The following KCNMA1 variants were observed in gnomAD, a reference collection of about 807,000 sequenced individuals.
The protein encoded by KCNMA1 is potassium calcium-activated channel subfamily M alpha 1, also known as Calcium-activated potassium channel subunit alpha-1.
A neutral mutation model predicts 140.0 loss-of-function variants in KCNMA1; 29 were observed. The ratio of observed to expected loss-of-function variants is 0.21; its 90% CI spans 0.15 to 0.28. The LOEUF (loss-of-function observed/expected upper bound fraction) is 0.28. Ranked by LOEUF, KCNMA1 falls within the 10% of genes least tolerant of loss-of-function variation. KCNMA1 has a pLI of 1.00. For missense variants in KCNMA1, 880 were observed against 1,602.2 expected (o/e 0.55, Z 7.70); for synonymous variants, 612 against 611.9 (o/e 1.00, Z 0.00).
chr10:77,370,548 C>T (rs958227564), intron 2 of KCNMA1, among the ~76,000 whole-genome samples: 1 of 152,158 alleles, frequency 6.6e-6, no homozygotes, highest in African/African-American at 2.4e-5. Flanking sequence ...ATCCAAAGAC[C>T]TTTAGAATAA....
In KCNMA1 at chr10:76,934,993, G is replaced by A. The variant is rs116761463; in HGVS notation, c.2902+9780C>T. Among the ~76,000 whole-genome samples the A allele has an allele frequency of 7.7e-3, 1,179 of 152,220 alleles. 15 individuals are homozygous for A. Among genetic ancestry groups the A allele is most frequent in the African/African-American group, 0.027 (1,136 of 41,516 alleles). On this transcript the variant is annotated intron_variant, in intron 23 of 27. Coordinates refer to ENST00000286628, the MANE Select transcript of KCNMA1 (RefSeq NM_001161352.2). ...ATTCCACTCTCTTCCTTACAGCTCC[G>A]AAGTCCCATCTATATTCACAAGAAA...
chr10:77,325,547 C>G (rs2083853036), intron 2 of KCNMA1, among the ~76,000 whole-genome samples: 1 of 152,158 alleles, frequency 6.6e-6, no homozygotes, highest in East Asian at 1.9e-4. Context: ...AACAGGTAGG[C>G]AAGGAGGGAG....
chr10:77,450,761 G>A (rs903251470), intron 1 of KCNMA1, among the ~76,000 whole-genome samples: 2 of 152,174 alleles, frequency 1.3e-5, no homozygotes, highest in African/African-American at 4.8e-5. Flanking sequence ...ACTCATTCCA[G>A]GAGGTTACCA....
rs769978136 is a variant in KCNMA1 at position 77,637,625 on chromosome 10, G to A, written c.18C>T (p.Gly6=). The A allele has an allele frequency of 1.3e-5, 20 of 1,523,254 alleles. No homozygotes were observed. The highest frequency in any genetic ancestry group is 1.2e-4 in the Admixed American group (6 of 49,772). The allele number at this position is 1,523,254 out of a possible 1,614,324, so 94.4% of individuals were successfully genotyped here. A position where few individuals can be genotyped will look rare whatever the true frequency, so the allele number is the denominator to read the frequency against. ...CGCCGCCGCTGCTGCCGCCGCCGCC[G>A]CCGCCACCATTTGCCATAGCTAGCA... The part of the protein sequence containing the change: MANGG[G]GGGGSSGGGG... Residue 6 remains glycine (G), a synonymous_variant, in exon 1 of 28, where the codon GGC becomes GGT. Transcript: ENST00000286628.
At chr10:77,621,996 C>T (rs1182190267) in intron 1 of KCNMA1, among the ~76,000 whole-genome samples, 3 of 152,210 alleles carry the variant, frequency 2.0e-5, no homozygotes, top group Admixed American at 1.3e-4. Context: ...AGATGTGGCA[C>T]ATGTGCTGTG....
At chr10:77,256,034 T>G (rs1267635035) in intron 2 of KCNMA1, among the ~76,000 whole-genome samples, 4 of 151,680 alleles carry the variant, frequency 2.6e-5, no homozygotes, top group Admixed American at 2.6e-4. Context: ...CGGTGGACCA[T>G]GAAGATCTTT....
intron 2 of KCNMA1, among the ~76,000 whole-genome samples, chr10:77,384,359 G>C (rs781225048): frequency 6.6e-6 from 1 of 152,178 alleles, no homozygotes; most frequent in Non-Finnish European, 1.5e-5. Context: ...GAGGCAAGCC[G>C]TGGTTGCCAT....
At chr10:77,079,433 G>T in intron 13 of KCNMA1, 48 bp downstream of exon 13, 1 of 1,032,516 alleles carries the variant, frequency 9.7e-7, no homozygotes, top group South Asian at 1.3e-5. Flanking sequence ...GAAGAGGCTG[G>T]ACCTGTGGAT....
At chr10:77,379,133 T>C (rs1261160070) in intron 2 of KCNMA1, among the ~76,000 whole-genome samples, 3 of 152,218 alleles carry the variant, frequency 2.0e-5, no homozygotes, top group Admixed American at 2.0e-4. Flanking sequence ...TTAAACTGAA[T>C]AATGAATAAC....
At position 77,113,594 on chromosome 10, in the gene KCNMA1, G is replaced by A. The variant is rs185618425; in HGVS notation, c.885-1152C>T. On this transcript the variant is annotated intron_variant, in intron 6 of 27. Coordinates refer to ENST00000286628, the MANE Select transcript of KCNMA1 (RefSeq NM_001161352.2). ...TTCTCCTGCCTTAGCCTCCCGAGTA[G>A]CTGGGATTACAGGCACCCGCCACCA... 4.3e-3 allele frequency among the ~76,000 whole-genome samples: 649 copies of A among 152,204 alleles called. 7 individuals carry two copies. The highest frequency in any genetic ancestry group is 0.015 in the African/African-American group (607 of 41,514).
At chr10:77,222,576 A>G (rs560015656) in intron 3 of KCNMA1, among the ~76,000 whole-genome samples, 4 of 152,318 alleles carry the variant, frequency 2.6e-5, no homozygotes, top group African/African-American at 9.6e-5. Flanking sequence ...GTAAATATCA[A>G]TTAGAGGCTT....
At chr10:77,637,144 G>A in intron 1 of KCNMA1, 121 bp downstream of exon 1, 1 of 1,244,862 alleles carries the variant, frequency 8.0e-7, no homozygotes, top group Admixed American at 2.7e-5. Context: ...AAGGCGGCGA[G>A]GGGAAGGCAG....
chr10:77,074,472 G>A (rs976085236), intron 13 of KCNMA1, among the ~76,000 whole-genome samples: 4 of 152,172 alleles, frequency 2.6e-5, no homozygotes, highest in Admixed American at 6.5e-5. Context: ...ATCTTTTGAG[G>A]AACAGTTAAG....
At chr10:76,982,089 A>G (rs1592709831) in intron 19 of KCNMA1, among the ~76,000 whole-genome samples, 1 of 152,192 alleles carries the variant, frequency 6.6e-6, no homozygotes, top group East Asian at 1.9e-4. Flanking sequence ...AATGACTCTG[A>G]GTTTAATGTC....
chr10:77,612,492 T>C (rs1603638518), intron 1 of KCNMA1, among the ~76,000 whole-genome samples: 1 of 152,196 alleles, frequency 6.6e-6, no homozygotes, highest in Admixed American at 6.5e-5. Flanking sequence ...AGGGGTTCAT[T>C]GCGCTCCATT....
intron 7 of KCNMA1, among the ~76,000 whole-genome samples, chr10:77,110,992 A>T (rs1193884955): frequency 6.6e-6 from 1 of 152,212 alleles, no homozygotes; most frequent in African/African-American, 2.4e-5. Context: ...TTGCACTGGC[A>T]CAGCCCGTTA....
intron 3 of KCNMA1, among the ~76,000 whole-genome samples, chr10:77,221,314 C>T (rs1354915438): frequency 6.6e-6 from 1 of 152,068 alleles, no homozygotes; most frequent in South Asian, 2.1e-4. Context: ...TCCCAAGACC[C>T]TAATTAGCTT....
At position 76,947,550 on chromosome 10, in the gene KCNMA1, A is replaced by T. The variant is rs555169139; in HGVS notation, c.2709+1592T>A. On this transcript the variant is annotated intron_variant, in intron 22 of 27. Coordinates refer to ENST00000286628, the MANE Select transcript of KCNMA1 (RefSeq NM_001161352.2). ...GTCAGGGGACTATGTGGAGGAGCAC[A>T]TGACAGAAAGATAACCATGGAATCA... Among the ~76,000 whole-genome samples, 297 of 152,328 alleles carry T rather than the reference A, an allele frequency of 1.9e-3. 3 individuals carry two copies. Among genetic ancestry groups the T allele is most frequent in the African/African-American group, 6.9e-3 (288 of 41,574 alleles).
chr10:77,036,273 T>C (rs777541403), intron 15 of KCNMA1, among the ~76,000 whole-genome samples: 2 of 152,226 alleles, frequency 1.3e-5, no homozygotes, highest in Non-Finnish European at 2.9e-5. Flanking sequence ...TTGAAATTGA[T>C]AGAGATAGCT....
Sources: allele counts gnomAD v4.1 joint callset (sites outside exome capture counted in the v4.1 genomes callset), GRCh38; gene constraint gnomAD v4.1.1; transcripts MANE v1.5; gene names NCBI Gene and HGNC (gene_info 2026-07-23, HGNC 2026-07-21).